The following P4HA1 variants were observed in gnomAD, a reference collection of about 807,000 sequenced individuals.
P4HA1 encodes prolyl 4-hydroxylase subunit alpha 1.
P4HA1 carries 24 observed loss-of-function variants against 72.8 expected under a neutral mutation model. That is an observed-to-expected ratio of 0.33 (90% confidence interval 0.24 to 0.46). The LOEUF is 0.46. P4HA1 is among the 20% of genes least tolerant of loss of function. P4HA1 has a pLI of 1.00. For synonymous variants in P4HA1, 201 were observed against 218.8 expected, an observed-to-expected ratio of 0.92 and a Z score of 0.72; for missense variants, 446 against 640.6, an observed-to-expected ratio of 0.70 and a Z score of 3.28.
intron 5 of P4HA1, among the ~76,000 whole-genome samples, chr10:73,054,586 A>C (rs995214360): frequency 6.6e-6 from 1 of 152,196 alleles, no homozygotes; most frequent in Admixed American, 6.5e-5. Flanking sequence ...TTTCTATGTG[A>C]ACATGTTTTC....
In P4HA1 at chr10:73,058,091, A is replaced by G. The variant is rs113446930; in HGVS notation, c.464-4501T>C. Among the ~76,000 whole-genome samples the G allele has an allele frequency of 4.0e-4, 40 of 101,110 alleles. 1 individual carries two copies. The highest frequency in any genetic ancestry group is 2.5e-3 in the South Asian group (6 of 2,370). The allele number at this position is 101,110 out of a possible 152,430, so 66.3% of individuals were successfully genotyped here. A position where few individuals can be genotyped will look rare whatever the true frequency, so the allele number is the denominator to read the frequency against. On this transcript the variant is annotated intron_variant, in intron 5 of 14. Coordinates refer to ENST00000394890, the MANE Select transcript of P4HA1 (RefSeq NM_001017962.3). ...GGTGACAGAGCAAGACTCCGTCCAG[A>G]AAAAAAAAAAAAAAAAAAAAAAAAA...
intron 1 of P4HA1, among the ~76,000 whole-genome samples, chr10:73,075,293 G>A (rs1354183460): frequency 1.3e-5 from 2 of 152,124 alleles, no homozygotes; most frequent in Non-Finnish European, 2.9e-5. Flanking sequence ...CTTTTTAGCA[G>A]AGACAAGGTT....
intron 10 of P4HA1, among the ~76,000 whole-genome samples, chr10:73,022,381 C>T (rs929948762): frequency 2.0e-5 from 3 of 152,196 alleles, no homozygotes; most frequent in African/African-American, 7.2e-5. Context: ...CTCCAGCAAA[C>T]TCCAACAGAC....
intron 9 of P4HA1, among the ~76,000 whole-genome samples, chr10:73,037,563 A>ATTT (rs1840622052): frequency 3.1e-5 from 1 of 32,554 alleles, no homozygotes; most frequent in African/African-American, 1.3e-4. Flanking sequence ...ATATATATAT[A>ATTT]TATATATATT....
At chr10:73,057,627 C>A (rs1336292478) in intron 5 of P4HA1, among the ~76,000 whole-genome samples, 1 of 151,840 alleles carries the variant, frequency 6.6e-6, no homozygotes, top group African/African-American at 2.4e-5. Context: ...GAAAAATTTC[C>A]AAAATTAAAA....
chr10:73,021,937 G>A (rs1281604412), intron 10 of P4HA1, among the ~76,000 whole-genome samples: 2 of 152,220 alleles, frequency 1.3e-5, no homozygotes, highest in East Asian at 3.8e-4. Context: ...CTGGCTGGAG[G>A]AGGGGTGTCC....
At chr10:73,074,325 A>C (rs78471196) in intron 2 of P4HA1, among the ~76,000 whole-genome samples, 24,077 of 152,104 alleles carry the variant, frequency 0.16, 3,147 homozygotes, top group African/African-American at 0.34. Context: ...TAAGTATATA[A>C]TACTTATGGG....
intron 3 of P4HA1, 44 bp from the exon 4 acceptor site, chr10:73,072,224 G>A: frequency 1.4e-6 from 2 of 1,478,046 alleles, no homozygotes; most frequent in Non-Finnish European, 9.3e-7. Flanking sequence ...TATTTCATAG[G>A]GAAAAACACA....
chr10:73,093,431 C>CT (rs1472661954), intron 1 of P4HA1, among the ~76,000 whole-genome samples: 2 of 152,048 alleles, frequency 1.3e-5, no homozygotes, highest in Non-Finnish European at 2.9e-5. Context: ...AATGAGAGTC[C>CT]TTTTGAATTG....
chr10:73,073,402 G>A (rs1841613081), intron 3 of P4HA1, among the ~76,000 whole-genome samples: 2 of 151,710 alleles, frequency 1.3e-5, no homozygotes, highest in Middle Eastern at 3.2e-3. Context: ...TGTGTTTTTA[G>A]TAGAGACAGG....
chr10:73,015,003 G>C lies in P4HA1; in HGVS notation c.1303-714C>G, dbSNP rs1002226144. Among the ~76,000 whole-genome samples the C allele has an allele frequency of 5.9e-5, 9 of 151,304 alleles. No individual in the cohort carries two copies. In the East Asian group the frequency reaches 1.4e-3, roughly 23 times the overall value. Reference sequence around the variant, plus strand: ...ACCACCATGCCTGGCTAATTTTTTTGTATTTTTAGTAGAGATGGAGTTTCA... The same window carrying C: ...ACCACCATGCCTGGCTAATTTTTTTCTATTTTTAGTAGAGATGGAGTTTCA... On this transcript the variant is annotated intron_variant, in intron 11 of 14. Coordinates refer to ENST00000394890, the MANE Select transcript of P4HA1 (RefSeq NM_001017962.3).
chr10:73,062,099 G>C (rs1017447079), intron 5 of P4HA1, among the ~76,000 whole-genome samples: 1 of 152,170 alleles, frequency 6.6e-6, no homozygotes, highest in East Asian at 1.9e-4. Flanking sequence ...ATGATGTCTA[G>C]GATTTGCTCT....
intron 12 of P4HA1, among the ~76,000 whole-genome samples, chr10:73,012,906 G>C (rs761937484): frequency 2.0e-5 from 3 of 151,912 alleles, no homozygotes; most frequent in African/African-American, 7.3e-5. Context: ...AGTGATTCTC[G>C]TGCCTCAGCC....
intron 9 of P4HA1, among the ~76,000 whole-genome samples, chr10:73,036,929 C>A (rs767675016): frequency 5.3e-5 from 8 of 151,816 alleles, no homozygotes; most frequent in Non-Finnish European, 8.8e-5. Context: ...AAGTCTTATT[C>A]CTGTGTTAGA....
chr10:73,085,064 C>A (rs1041218519), intron 1 of P4HA1, among the ~76,000 whole-genome samples: 4 of 152,060 alleles, frequency 2.6e-5, no homozygotes, highest in Non-Finnish European at 5.9e-5. Flanking sequence ...TTGCTTGAAC[C>A]CAGGAGGCAG....
chr10:73,070,199 C>T lies in P4HA1; in HGVS notation c.326-1216G>A, dbSNP rs555326291. Among the ~76,000 whole-genome samples the T allele has an allele frequency of 4.6e-5, 6 of 130,212 alleles. No homozygotes were observed. The Admixed American group carries it at 5.1e-4, about 11-fold the overall frequency. The allele number at this position is 130,212 out of a possible 152,430, so 85.4% of individuals were successfully genotyped here. On this transcript the variant is annotated intron_variant, in intron 4 of 14. Coordinates refer to ENST00000394890, the MANE Select transcript of P4HA1 (RefSeq NM_001017962.3). The stretch of plus-strand genomic sequence containing the variant: ...TTGAGATGGAGTCTCGCTCTGTCAC[C>T]CAGGCTGGAATGCAGCAGTGCAATC...
chr10:73,070,030 CAACTCCTGGTCTCA>C (rs915847085), intron 4 of P4HA1, among the ~76,000 whole-genome samples: 1 of 151,546 alleles, frequency 6.6e-6, no homozygotes, highest in African/African-American at 2.4e-5. Flanking sequence ...GGCTGGTCTC[CAACTCCTGGTCTCA>C]AACGATCCAC....
At chr10:73,096,497 C>T (rs774804934) in intron 1 of P4HA1, among the ~76,000 whole-genome samples, 15 of 151,860 alleles carry the variant, frequency 9.9e-5, no homozygotes, top group Admixed American at 6.6e-5. Context: ...AGGGCGGGGA[C>T]TGAGGCTGCA....
chr10:73,080,156 GC>G (rs1841791476), intron 1 of P4HA1, among the ~76,000 whole-genome samples: 1 of 152,182 alleles, frequency 6.6e-6, no homozygotes, highest in Non-Finnish European at 1.5e-5. Flanking sequence ...ACCTAAGAAA[GC>G]CTTTAAATTC....
Sources: gnomAD v4.1 joint callset for allele counts (sites outside exome capture counted in the v4.1 genomes callset) on GRCh38, gnomAD v4.1.1 for gene constraint, MANE v1.5 for transcripts, NCBI Gene and HGNC (gene_info 2026-07-23, HGNC 2026-07-21) for gene names.